The following SLC4A5 variants were observed in gnomAD, a reference collection of about 807,000 sequenced individuals.
SLC4A5 encodes the protein solute carrier family 4 member 5.
SLC4A5 carries 96 observed loss-of-function variants against 120.4 expected under a neutral mutation model. The ratio of observed to expected loss-of-function variants is 0.80; its 90% confidence interval spans 0.68 to 0.94. SLC4A5 has a LOEUF of 0.94. Ranked by LOEUF, SLC4A5 falls within the 40% of genes least tolerant of loss-of-function variation. The pLI is 0.00. For synonymous variants in SLC4A5, 550 were observed against 571.1 expected (o/e 0.96, Z 0.53); for missense variants, 1,259 against 1,459.5 (o/e 0.86, Z 2.24).
chr2:74,292,900 T>C (rs1319316714), intron 7 of SLC4A5, among the ~76,000 whole-genome samples: 21 of 152,200 alleles, frequency 1.4e-4, no homozygotes, highest in Non-Finnish European at 2.9e-5. Flanking sequence ...AGGGCCTATC[T>C]TGTTCACATC....
chr2:74,292,572 T>C (rs1558898795), intron 7 of SLC4A5, among the ~76,000 whole-genome samples: 2 of 152,312 alleles, frequency 1.3e-5, no homozygotes, highest in South Asian at 2.1e-4. Flanking sequence ...AGCCCAACTA[T>C]AGGAATGGAT....
intron 4 of SLC4A5, among the ~76,000 whole-genome samples, chr2:74,329,585 T>A (rs1673300551): frequency 1.3e-5 from 2 of 149,276 alleles, no homozygotes; most frequent in Admixed American, 1.3e-4. Flanking sequence ...CGAGGCTCCA[T>A]CTCAAACAAA....
At chr2:74,293,960 G>T (rs558976707) in intron 7 of SLC4A5, among the ~76,000 whole-genome samples, 1 of 152,228 alleles carries the variant, frequency 6.6e-6, no homozygotes, top group African/African-American at 2.4e-5. Context: ...AAAAGAGCGG[G>T]GAGTAAAAAA....
chr2:74,254,881 G>T (rs575728993), intron 13 of SLC4A5, among the ~76,000 whole-genome samples, 175 bp from the exon 14 acceptor site: 1 of 151,120 alleles, frequency 6.6e-6, no homozygotes, highest in East Asian at 1.9e-4. Flanking sequence ...GTGCAGTGGC[G>T]CAATCTTGGC....
chr2:74,318,447 G>A (rs1232518381), intron 5 of SLC4A5, among the ~76,000 whole-genome samples: 2 of 152,228 alleles, frequency 1.3e-5, no homozygotes, highest in East Asian at 3.8e-4. Flanking sequence ...CACTTTGGGA[G>A]GCAGAGGTGG....
chr2:74,262,340 T>C, intron 10 of SLC4A5, 108 bp from the exon 11 acceptor site: 1 of 626,996 alleles, frequency 1.6e-6, no homozygotes, highest in South Asian at 2.6e-5. Flanking sequence ...AAGACATGTC[T>C]CTTCCCCTTC....
At chr2:74,237,371 T>G (rs1286820696) in intron 21 of SLC4A5, among the ~76,000 whole-genome samples, 1 of 152,194 alleles carries the variant, frequency 6.6e-6, no homozygotes, top group Non-Finnish European at 1.5e-5. Context: ...AGGCAACAGA[T>G]AGATACTCTC....
At chr2:74,315,492 T>C (rs1225038039) in intron 5 of SLC4A5, among the ~76,000 whole-genome samples, 1 of 147,156 alleles carries the variant, frequency 6.8e-6, no homozygotes, top group Non-Finnish European at 1.5e-5. Flanking sequence ...TGAAGAATAA[T>C]TTCCAACAAG....
At chr2:74,222,580 A>G (rs756086319) in intron 29 of SLC4A5, among the ~76,000 whole-genome samples, 4 of 152,224 alleles carry the variant, frequency 2.6e-5, no homozygotes, top group African/African-American at 4.8e-5. Flanking sequence ...ATAGATTCTC[A>G]TAAGGGTGAG....
At chr2:74,219,176 G>GGGGT (rs1553450015) in intron 30 of SLC4A5, among the ~76,000 whole-genome samples, 1 of 134,264 alleles carries the variant, frequency 7.4e-6, no homozygotes, top group East Asian at 2.2e-4. Context: ...GCTCTTTGGA[G>GGGGT]GTGTGTGTGT....
intron 6 of SLC4A5, among the ~76,000 whole-genome samples, 194 bp from the exon 7 acceptor site, chr2:74,304,874 G>A (rs1177931504): frequency 1.3e-5 from 2 of 152,138 alleles, no homozygotes; most frequent in African/African-American, 4.8e-5. Context: ...GTTGCTGGAG[G>A]GAATACCCTC....
intron 12 of SLC4A5, 98 bp from the exon 13 acceptor site, chr2:74,256,030 A>T: frequency 7.4e-7 from 1 of 1,348,928 alleles, no homozygotes; most frequent in Non-Finnish European, 1.0e-6. Context: ...CTTGAAAAAA[A>T]TTCTCCCAAT....
chr2:74,297,662 T>A (rs1294687505), intron 7 of SLC4A5, among the ~76,000 whole-genome samples: 1 of 152,222 alleles, frequency 6.6e-6, no homozygotes, highest in Admixed American at 6.5e-5. Flanking sequence ...AACACATTTT[T>A]TCCCCCCAGG....
At chr2:74,248,458 G>A in exon 18 of SLC4A5, 1 of 1,614,152 alleles carries the variant, frequency 6.2e-7, no homozygotes, top group Non-Finnish European at 8.5e-7. Flanking sequence ...GCCAGCCATG[G>A]CAGTGCCCAG....
exon 31 of SLC4A5, chr2:74,217,489 C>T (rs1170872677): frequency 2.0e-5 from 3 of 152,174 alleles, no homozygotes; most frequent in Non-Finnish European, 4.4e-5. Flanking sequence ...GACCTTACCT[C>T]TGTCTAACCT....
chr2:74,217,065 G>C (rs565994280), exon 31 of SLC4A5: 1 of 152,274 alleles, frequency 6.6e-6, no homozygotes, highest in African/African-American at 2.4e-5. Context: ...GCTTTCTATG[G>C]ACCAGGCACT....
At position 74,222,852 on chromosome 2, in the gene SLC4A5, C is replaced by A. The variant is rs530769689; in HGVS notation, c.3331+16G>T. 39 of 1,590,918 alleles carry A rather than the reference C, an allele frequency of 2.5e-5. No homozygotes were observed. Among genetic ancestry groups the A allele is most frequent in the Non-Finnish European group, 3.2e-5 (37 of 1,159,138 alleles). ...ACTAGTAGTAAGAAGGGAGAGACATCATGTGTTTTACTTACTGGCAATGCA... is the reference window on the plus strand; with the variant it reads ...ACTAGTAGTAAGAAGGGAGAGACATAATGTGTTTTACTTACTGGCAATGCA... On this transcript the variant is annotated intron_variant, in intron 29 of 30. Transcript: ENST00000394019.
chr2:74,292,259 T>C (rs1480187905), intron 7 of SLC4A5, among the ~76,000 whole-genome samples: 5 of 152,180 alleles, frequency 3.3e-5, no homozygotes, highest in African/African-American at 1.2e-4. Context: ...CCTCTGTTAC[T>C]ACCAGTTACC....
At chr2:74,293,057 C>T (rs1416639094) in intron 7 of SLC4A5, among the ~76,000 whole-genome samples, 5 of 135,726 alleles carry the variant, frequency 3.7e-5, no homozygotes, top group African/African-American at 1.4e-4. Context: ...GGAAATGGAG[C>T]TGAGGGTGAA....
Sources: allele counts gnomAD v4.1 joint callset (sites outside exome capture counted in the v4.1 genomes callset), GRCh38; gene constraint gnomAD v4.1.1; transcripts MANE v1.5; gene names NCBI Gene and HGNC (gene_info 2026-07-23, HGNC 2026-07-21).